Variants in SH3KBP1 observed in about 807,000 individuals in gnomAD.
SH3KBP1 encodes the protein SH3 domain-containing kinase-binding protein 1.
SH3KBP1 carries 8 observed loss-of-function variants against 50.1 expected under a neutral mutation model. The observed-to-expected ratio is 0.16, with a 90% CI of 0.09 to 0.29. The LOEUF (loss-of-function observed/expected upper bound fraction) is 0.29. SH3KBP1 is among the 10% of genes least tolerant of loss of function. The probability of loss-of-function intolerance (pLI) is 1.00; values close to 1 mark genes in which losing one functional copy is unlikely to be tolerated. For missense variants in SH3KBP1, 377 were observed against 535.2 expected (o/e 0.70, Z 2.92); for synonymous variants, 227 against 218.6 (o/e 1.04, Z -0.34).
At chrX:19,538,390 T>C (rs1295515810) in intron 16 of SH3KBP1, among the ~76,000 whole-genome samples, 4 of 108,307 alleles carry the variant, frequency 3.7e-5, no homozygotes, top group Admixed American at 2.9e-4. Context: ...ATTATTTTTG[T>C]AGAGATGGGG....
intron 6 of SH3KBP1, among the ~76,000 whole-genome samples, chrX:19,658,483 A>G (rs769826433): frequency 1.8e-5 from 2 of 111,202 alleles, no homozygotes; most frequent in Non-Finnish European, 3.8e-5. Context: ...TTTTTTCCCC[A>G]TTTTCTGGGC....
intron 13 of SH3KBP1, among the ~76,000 whole-genome samples, chrX:19,560,455 T>C (rs1602472481): frequency 9.0e-6 from 1 of 111,540 alleles, no homozygotes; most frequent in African/African-American, 3.3e-5. Flanking sequence ...GCTGGGTCCT[T>C]TCTTTTTAAT....
chrX:19,585,479 T>G (rs1022107618), intron 12 of SH3KBP1, among the ~76,000 whole-genome samples: 1 of 111,722 alleles, frequency 9.0e-6, no homozygotes, highest in Non-Finnish European at 1.9e-5. Context: ...GGCCCAGCAC[T>G]AGGCTAAACA....
At chrX:19,804,396 C>A (rs1020722827) in intron 2 of SH3KBP1, among the ~76,000 whole-genome samples, 2 of 110,216 alleles carry the variant, frequency 1.8e-5, no homozygotes, top group South Asian at 7.7e-4. Context: ...CTCTTTTTTT[C>A]CTCCACTCTC....
At chrX:19,701,379 A>G (rs2148658632) in intron 4 of SH3KBP1, among the ~76,000 whole-genome samples, 1 of 111,796 alleles carries the variant, frequency 8.9e-6, no homozygotes, top group South Asian at 3.8e-4. Flanking sequence ...TTGAAAGTTC[A>G]GTGTGGCCAG....
chrX:19,658,619 C>T (rs1357583625), intron 6 of SH3KBP1, among the ~76,000 whole-genome samples: 1 of 110,939 alleles, frequency 9.0e-6, no homozygotes, highest in Non-Finnish European at 1.9e-5. Context: ...GGATGGAGTG[C>T]AGTGGCGCGA....
chrX:19,769,941 TAC>T (rs1184164802), intron 2 of SH3KBP1, among the ~76,000 whole-genome samples: 1 of 111,822 alleles, frequency 8.9e-6, no homozygotes, highest in Non-Finnish European at 1.9e-5. Flanking sequence ...TTAAAATGTC[TAC>T]ACACAGTATA....
intron 3 of SH3KBP1, among the ~76,000 whole-genome samples, chrX:19,719,176 C>A (rs1284853360): frequency 9.0e-6 from 1 of 111,546 alleles, no homozygotes; most frequent in Non-Finnish European, 1.9e-5. Context: ...ATCTTTTCAA[C>A]CCTGACACCT....
chrX:19,856,961 T>TG, intron 1 of SH3KBP1, among the ~76,000 whole-genome samples: 1 of 68,410 alleles, frequency 1.5e-5, no homozygotes, highest in Non-Finnish European at 2.5e-5. Context: ...CTTTTTTTTT[T>TG]TTTTTTTTTT....
In SH3KBP1 at chrX:19,834,179, G is replaced by C. The variant is rs1489552014; in HGVS notation, c.162+1946C>G. The stretch of plus-strand genomic sequence containing the variant: ...TCCTATTCATTTTCGACTCTGAAAG[G>C]GTAGTGACTGGAAGTCCAGTGTCCA... On this transcript the variant is annotated intron_variant, in intron 2 of 17. Transcript: ENST00000397821. Among the ~76,000 whole-genome samples, 12 of 112,114 alleles carry C rather than the reference G, an allele frequency of 1.1e-4. No homozygotes were observed. In the Admixed American group the frequency reaches 1.1e-3, roughly 11 times the overall value.
At chrX:19,784,964 T>C (rs2066291926) in intron 2 of SH3KBP1, among the ~76,000 whole-genome samples, 1 of 111,002 alleles carries the variant, frequency 9.0e-6, no homozygotes, top group Non-Finnish European at 1.9e-5. Flanking sequence ...AAAGGGGTCT[T>C]AGAATTCATC....
At chrX:19,773,634 A>T (rs1054101648) in intron 2 of SH3KBP1, among the ~76,000 whole-genome samples, 2 of 109,145 alleles carry the variant, frequency 1.8e-5, no homozygotes, top group Non-Finnish European at 3.8e-5. Context: ...AGACAGGCGG[A>T]TCACAAGGTC....
rs1483985 is a variant in SH3KBP1 at position 19,821,046 on chromosome X, C to T, written c.162+15079G>A. Among the ~76,000 whole-genome samples the T allele has an allele frequency of 6.3e-3, 707 of 111,375 alleles. 8 individuals are homozygous for T. Among genetic ancestry groups the T allele is most frequent in the African/African-American group, 0.021 (633 of 30,664 alleles). On this transcript the variant is annotated intron_variant, in intron 2 of 17. Transcript: ENST00000397821. The stretch of plus-strand genomic sequence containing the variant: ...ATATTACCTCAATATATATTGGATA[C>T]CACACCAGATGATCTAATTTTTGCT...
chrX:19,625,543 C>T (rs190284828), intron 8 of SH3KBP1, among the ~76,000 whole-genome samples: 9 of 111,707 alleles, frequency 8.1e-5, no homozygotes, highest in Non-Finnish European at 1.5e-4. Flanking sequence ...TTAGAGGTGG[C>T]AGTGGACTCC....
chrX:19,773,824 C>G (rs1276542668), intron 2 of SH3KBP1, among the ~76,000 whole-genome samples: 1 of 98,010 alleles, frequency 1.0e-5, no homozygotes, highest in African/African-American at 3.8e-5. Flanking sequence ...CCACTGCACC[C>G]CAGCCTGGGC....
chrX:19,579,167 G>A (rs1020033526), intron 12 of SH3KBP1, among the ~76,000 whole-genome samples: 31 of 111,967 alleles, frequency 2.8e-4, no homozygotes, highest in African/African-American at 9.4e-4. Flanking sequence ...AAGACACGCT[G>A]GAAGGTGATG....
At chrX:19,828,727 T>A (rs189599828) in intron 2 of SH3KBP1, among the ~76,000 whole-genome samples, 3 of 111,256 alleles carry the variant, frequency 2.7e-5, no homozygotes, top group Non-Finnish European at 5.7e-5. Flanking sequence ...GAAGCTACAG[T>A]GAGCTATGAT....
chrX:19,786,332 T>C (rs745336749), intron 2 of SH3KBP1, among the ~76,000 whole-genome samples: 3 of 111,207 alleles, frequency 2.7e-5, no homozygotes, highest in East Asian at 5.6e-4. Context: ...CAAAGCAGCA[T>C]TGGCCAGCAG....
chrX:19,873,289 T>C (rs865990583), intron 1 of SH3KBP1, among the ~76,000 whole-genome samples: 165 of 75,156 alleles, frequency 2.2e-3, no homozygotes, highest in African/African-American at 4.0e-3. Flanking sequence ...TATATATATA[T>C]GTATATATAT....
Sources: allele counts gnomAD v4.1 joint callset (sites outside exome capture counted in the v4.1 genomes callset), GRCh38; gene constraint gnomAD v4.1.1; transcripts MANE v1.5; gene names NCBI Gene and HGNC (gene_info 2026-07-23, HGNC 2026-07-21).